The following GRIN2B variants were observed in gnomAD, a reference collection of about 807,000 sequenced individuals.
The protein encoded by GRIN2B is glutamate receptor ionotropic, NMDA 2B.
GRIN2B carries 5 observed loss-of-function variants against 114.5 expected under a neutral mutation model. The ratio of observed to expected loss-of-function variants is 0.04; its 90% CI spans 0.02 to 0.09. The LOEUF is 0.09. GRIN2B is among the 10% of genes least tolerant of loss of function. The pLI, the probability that GRIN2B is intolerant of heterozygous loss-of-function variation, is 1.00. For missense variants in GRIN2B, 1,108 were observed against 1,943.5 expected (o/e 0.57, Z 8.08); for synonymous variants, 787 against 745.1 (o/e 1.06, Z -0.92).
chr12:13,729,767 G>C (rs1197341893), intron 4 of GRIN2B, among the ~76,000 whole-genome samples: 1 of 145,084 alleles, frequency 6.9e-6, no homozygotes, highest in African/African-American at 2.5e-5. Context: ...GGAGAAGAGA[G>C]AGACAGAAAG....
intron 5 of GRIN2B, among the ~76,000 whole-genome samples, chr12:13,621,622 T>TG (rs1471020257): frequency 2.9e-5 from 4 of 135,788 alleles, no homozygotes; most frequent in African/African-American, 1.1e-4. Context: ...TGTTTTTTTT[T>TG]TTTTTTTTTT....
intron 5 of GRIN2B, among the ~76,000 whole-genome samples, chr12:13,668,745 T>G (rs1236431893): frequency 6.6e-6 from 1 of 152,034 alleles, no homozygotes; most frequent in Non-Finnish European, 1.5e-5. Context: ...AAAATCACCT[T>G]AGTTTATAGA....
chr12:13,630,388 C>T (rs983731303), intron 5 of GRIN2B, among the ~76,000 whole-genome samples: 1 of 152,080 alleles, frequency 6.6e-6, no homozygotes, highest in African/African-American at 2.4e-5. Flanking sequence ...ATCAGATATC[C>T]CAGTATTCAT....
chr12:13,758,998 A>AGTTTTTTTTTTTTTTTTTTTTTTT (rs771891565), intron 3 of GRIN2B, among the ~76,000 whole-genome samples: 4 of 85,600 alleles, frequency 4.7e-5, no homozygotes, highest in Non-Finnish European at 8.6e-5. Context: ...ATCTAGTTCA[A>AGTTTTTTTTTTTTTTTTTTTTTTT]TTTTTTTTTT....
At chr12:13,736,141 GGGGGGGGGGT>G (rs199790460) in intron 4 of GRIN2B, among the ~76,000 whole-genome samples, 1,897 of 31,790 alleles carry the variant, frequency 0.06, 154 homozygotes, top group Admixed American at 0.11. Context: ...AAAGCGGGGG[GGGGGGGGGGT>G]TGGCGGGAAT....
chr12:13,829,639 A>G (rs922719837), intron 3 of GRIN2B, among the ~76,000 whole-genome samples: 10 of 152,182 alleles, frequency 6.6e-5, no homozygotes, highest in Non-Finnish European at 1.3e-4. Context: ...TCTTTATCCA[A>G]ATTAAAATTG....
intron 2 of GRIN2B, among the ~76,000 whole-genome samples, chr12:13,910,416 T>C (rs1358784398): frequency 6.6e-6 from 1 of 152,162 alleles, no homozygotes; most frequent in Non-Finnish European, 1.5e-5. Context: ...GCAAAACACA[T>C]GGACAAGATT....
chr12:13,685,775 A>G (rs1260378866), intron 4 of GRIN2B, among the ~76,000 whole-genome samples: 1 of 152,210 alleles, frequency 6.6e-6, no homozygotes, highest in African/African-American at 2.4e-5. Flanking sequence ...AGACCAGAGT[A>G]ATGAGAGAGA....
At chr12:13,813,932 T>C (rs1864776055) in intron 3 of GRIN2B, among the ~76,000 whole-genome samples, 1 of 152,252 alleles carries the variant, frequency 6.6e-6, no homozygotes, top group African/African-American at 2.4e-5. Flanking sequence ...ATAGTCTGTA[T>C]GCTTCTGTGC....
intron 3 of GRIN2B, among the ~76,000 whole-genome samples, chr12:13,856,801 C>T (rs546979527): frequency 2.3e-4 from 35 of 152,286 alleles, no homozygotes; most frequent in African/African-American, 8.2e-4. Context: ...CTCATCCACT[C>T]TCATGGTTTC....
chr12:13,652,318 CAATATGGTGT>C (rs1433958272), intron 5 of GRIN2B, among the ~76,000 whole-genome samples: 1 of 151,654 alleles, frequency 6.6e-6, no homozygotes, highest in African/African-American at 2.4e-5. Flanking sequence ...TGAGCAAGTG[CAATATGGTGT>C]AATAAATGCA....
intron 3 of GRIN2B, among the ~76,000 whole-genome samples, chr12:13,782,282 TAC>T (rs112744505): frequency 2.6e-5 from 4 of 151,292 alleles, no homozygotes; most frequent in South Asian, 2.1e-4. Context: ...CCACTCAGAA[TAC>T]ACACACACAC....
chr12:13,566,936 G>C (rs754997979), intron 13 of GRIN2B, 89 bp downstream of exon 13: 9 of 883,234 alleles, frequency 1.0e-5, no homozygotes, highest in Non-Finnish European at 1.7e-5. Context: ...TGGGGGTGGA[G>C]ATAGTGTCCT....
chr12:13,547,981 A>ATATATATATATATATTTTTTTTTT lies in GRIN2B; in HGVS notation c.*14801_*14802insAAAAAAAAAATATATATATATATA. 1 of 68,594 alleles carries ATATATATATATATATTTTTTTTTT rather than the reference A, an allele frequency of 1.5e-5. No individual in the cohort carries two copies. The highest frequency in any genetic ancestry group is 2.9e-5 in the Non-Finnish European group (1 of 34,400). 4.2% of individuals were successfully genotyped at this position (68,594 alleles called of 1,614,324 possible). ...TGTGTATATATATATATATATATAT[A>ATATATATATATATATTTTTTTTTT]TTTTTTTTTTTTTTCTGAAAGCTAC... On this transcript the variant is annotated 3_prime_UTR_variant, in exon 14 of 14. Coordinates refer to ENST00000609686, the MANE Select transcript of GRIN2B (RefSeq NM_000834.5).
intron 3 of GRIN2B, among the ~76,000 whole-genome samples, chr12:13,830,617 C>T (rs78136006): frequency 0.017 from 2,624 of 152,252 alleles, 84 homozygotes; most frequent in African/African-American, 0.059. Context: ...TATTGACACA[C>T]AAAATATGTA....
At chr12:13,585,205 G>T (rs939052296) in intron 10 of GRIN2B, among the ~76,000 whole-genome samples, 3 of 152,154 alleles carry the variant, frequency 2.0e-5, no homozygotes, top group Non-Finnish European at 4.4e-5. Flanking sequence ...ATCACCTGAG[G>T]TTCTAATACG....
chr12:13,718,887 C>T (rs1950482848), intron 4 of GRIN2B, among the ~76,000 whole-genome samples: 1 of 152,030 alleles, frequency 6.6e-6, no homozygotes, highest in Non-Finnish European at 1.5e-5. Flanking sequence ...TCCAACTCAC[C>T]ACTTGCACAG....
At chr12:13,949,686 G>C (rs952974437) in intron 2 of GRIN2B, among the ~76,000 whole-genome samples, 2 of 152,136 alleles carry the variant, frequency 1.3e-5, no homozygotes, top group Non-Finnish European at 2.9e-5. Context: ...ACATGTTCTA[G>C]TATTACAGAG....
At chr12:13,886,808 C>T (rs1051294451) in intron 2 of GRIN2B, among the ~76,000 whole-genome samples, 3 of 152,136 alleles carry the variant, frequency 2.0e-5, no homozygotes, top group Non-Finnish European at 4.4e-5. Context: ...TATGATGCTT[C>T]TACAATAGAG....
Sources: allele counts gnomAD v4.1 joint callset (sites outside exome capture counted in the v4.1 genomes callset), GRCh38; gene constraint gnomAD v4.1.1; transcripts MANE v1.5; gene names NCBI Gene and HGNC (gene_info 2026-07-23, HGNC 2026-07-21).